The following PLGRKT variants were observed in gnomAD, a reference collection of about 807,000 sequenced individuals.
PLGRKT encodes the protein plasminogen receptor (KT).
PLGRKT carries 22 observed loss-of-function variants against 18.5 expected under a neutral mutation model. The ratio of observed to expected loss-of-function variants is 1.19; its 90% CI spans 0.85 to 1.70. PLGRKT has a LOEUF of 1.70. PLGRKT is among the 40% of genes most tolerant of loss of function. The pLI, the probability that PLGRKT is intolerant of heterozygous loss-of-function variation, is 0.00. For synonymous variants in PLGRKT, 72 were observed against 52.8 expected (o/e 1.36, Z -1.58); for missense variants, 235 against 174.4 (o/e 1.35, Z -1.96).
rs145586188 is a variant in PLGRKT, at chr9:5,394,309, A to G, written c.82-32421T>C. ...ACTAGTTTCTAACATAGCCATAGAG[A>G]AAAGAACAAGGTAAATGGCTCAGGT... is the stretch of plus-strand genomic sequence containing the variant. On this transcript the variant is annotated intron_variant, in intron 3 of 5. Transcript: ENST00000223864. 8.7e-3 allele frequency among the ~76,000 whole-genome samples: 1,317 copies of G among 152,000 alleles called. 51 individuals carry two copies. Among genetic ancestry groups the G allele is most frequent in the African/African-American group, 0.031 (1,266 of 41,272 alleles).
At chr9:5,426,079 T>A (rs1354242817) in intron 3 of PLGRKT, among the ~76,000 whole-genome samples, 1 of 152,300 alleles carries the variant, frequency 6.6e-6, no homozygotes, top group East Asian at 1.9e-4. Context: ...AGACAACATC[T>A]TCTAGCCCAG....
chr9:5,390,380 T>G (rs914652305), intron 3 of PLGRKT, among the ~76,000 whole-genome samples: 1 of 151,596 alleles, frequency 6.6e-6, no homozygotes. Context: ...GTTTCAAAAT[T>G]TGAAAGATCA....
intron 3 of PLGRKT, among the ~76,000 whole-genome samples, chr9:5,390,216 CGT>C (rs71326160): frequency 0.046 from 6,748 of 147,232 alleles, 570 homozygotes; most frequent in African/African-American, 0.15. Flanking sequence ...TATGTGTGTG[CGT>C]GTGTGTGTGT....
rs146684602 is a variant in PLGRKT, at chr9:5,418,483, C to T, written c.81+13414G>A. Reference sequence around the variant, plus strand: ...CAAGATGACAGTGCACACCCTCAACCACATGGAGCTTTTCACCATGCCCCG... The same window carrying T: ...CAAGATGACAGTGCACACCCTCAACTACATGGAGCTTTTCACCATGCCCCG... On this transcript the variant is annotated intron_variant, in intron 3 of 5. Coordinates refer to ENST00000223864, the MANE Select transcript of PLGRKT (RefSeq NM_018465.4). The surrounding 1 kb of genome is among the most constrained non-coding windows in gnomAD (Gnocchi z 4.2). 6.3e-6 allele frequency: 7 copies of T among 1,108,788 alleles called. No individual in the cohort carries two copies. Among genetic ancestry groups the T allele is most frequent in the Middle Eastern group, 2.0e-4 (1 of 5,024 alleles). 68.7% of individuals were successfully genotyped at this position (1,108,788 alleles called of 1,614,324 possible).
intron 3 of PLGRKT, among the ~76,000 whole-genome samples, chr9:5,391,203 A>G (rs1817943499): frequency 6.6e-6 from 1 of 151,974 alleles, no homozygotes; most frequent in Non-Finnish European, 1.5e-5. Flanking sequence ...GCAACTTTAT[A>G]TGATGCGATA....
chr9:5,386,274 C>A (rs1817841011), intron 3 of PLGRKT, among the ~76,000 whole-genome samples: 1 of 151,794 alleles, frequency 6.6e-6, no homozygotes, highest in African/African-American at 2.4e-5. Flanking sequence ...AAACCAAAGC[C>A]CAGCAGTGGT....
intron 3 of PLGRKT, among the ~76,000 whole-genome samples, chr9:5,369,158 G>A (rs1411462153): frequency 6.6e-6 from 1 of 152,176 alleles, no homozygotes; most frequent in African/African-American, 2.4e-5. Flanking sequence ...ACTATCATCA[G>A]AGTGAACAGA....
chr9:5,424,655 ATAAT>A (rs1212005843), intron 3 of PLGRKT, among the ~76,000 whole-genome samples: 1 of 113,658 alleles, frequency 8.8e-6, no homozygotes, highest in Admixed American at 9.9e-5. Flanking sequence ...TATATATAAT[ATAAT>A]TATATATTTT....
At chr9:5,414,208 C>A (rs1818416676) in intron 3 of PLGRKT, among the ~76,000 whole-genome samples, 1 of 152,130 alleles carries the variant, frequency 6.6e-6, no homozygotes, top group Non-Finnish European at 1.5e-5. Context: ...ACTCTGTCAC[C>A]CAGGCTGGAG....
chr9:5,365,163 G>C (rs1432045026), intron 3 of PLGRKT, among the ~76,000 whole-genome samples: 1 of 152,048 alleles, frequency 6.6e-6, no homozygotes, highest in Admixed American at 6.6e-5. Context: ...GAAATAGCTG[G>C]CCTAGGACTG....
At chr9:5,432,251 T>C (rs971094407) in intron 2 of PLGRKT, among the ~76,000 whole-genome samples, 6 of 152,136 alleles carry the variant, frequency 3.9e-5, no homozygotes, top group African/African-American at 1.4e-4. Context: ...TATAAGTATA[T>C]GGCTGTTTCC....
At chr9:5,411,400 GA>G (rs1395635372) in intron 3 of PLGRKT, among the ~76,000 whole-genome samples, 3 of 139,270 alleles carry the variant, frequency 2.2e-5, no homozygotes, top group African/African-American at 8.0e-5. Flanking sequence ...AAAAAAAAAA[GA>G]AAAGAAAAGA....
At chr9:5,435,488 C>T (rs916456206) in intron 2 of PLGRKT, among the ~76,000 whole-genome samples, 10 of 152,190 alleles carry the variant, frequency 6.6e-5, no homozygotes, top group Non-Finnish European at 1.3e-4. Flanking sequence ...CTCTCATTCT[C>T]TCCAAGATAG....
At chr9:5,389,969 T>C (rs1298442249) in intron 3 of PLGRKT, among the ~76,000 whole-genome samples, 1 of 151,650 alleles carries the variant, frequency 6.6e-6, no homozygotes, top group Non-Finnish European at 1.5e-5. Flanking sequence ...GGTCCTGAAA[T>C]GAAGAATACC....
chr9:5,389,298 G>C (rs908337634), intron 3 of PLGRKT, among the ~76,000 whole-genome samples: 1 of 151,936 alleles, frequency 6.6e-6, no homozygotes, highest in African/African-American at 2.4e-5. Context: ...CAACGTTCAT[G>C]TGGTTGTCAG....
intron 3 of PLGRKT, among the ~76,000 whole-genome samples, chr9:5,366,580 T>A (rs1817392187): frequency 6.6e-6 from 1 of 152,110 alleles, no homozygotes; most frequent in African/African-American, 2.4e-5. Flanking sequence ...AAACTAGGCA[T>A]CGAAGGAACA....
At chr9:5,377,420 C>T (rs1817650808) in intron 3 of PLGRKT, among the ~76,000 whole-genome samples, 1 of 151,994 alleles carries the variant, frequency 6.6e-6, no homozygotes, top group South Asian at 2.1e-4. Context: ...AAAATGTAAG[C>T]AGGGATTACT....
intron 3 of PLGRKT, among the ~76,000 whole-genome samples, chr9:5,409,835 T>G (rs1261800419): frequency 6.6e-6 from 1 of 152,264 alleles, no homozygotes; most frequent in Non-Finnish European, 1.5e-5. Flanking sequence ...CTATTTGGAA[T>G]GAGAGTGTTT....
intron 3 of PLGRKT, among the ~76,000 whole-genome samples, chr9:5,377,936 A>G (rs6476967): frequency 0.73 from 111,383 of 152,120 alleles, 41,952 homozygotes; most frequent in African/African-American, 0.91. Flanking sequence ...TACCACTGAG[A>G]CCTGAAGTAT....
Sources: gnomAD v4.1 joint callset for allele counts (sites outside exome capture counted in the v4.1 genomes callset) on GRCh38, gnomAD v4.1.1 for gene constraint, Gnocchi (gnomAD v3.1) non-coding constraint, MANE v1.5 for transcripts, NCBI Gene and HGNC (gene_info 2026-07-23, HGNC 2026-07-21) for gene names.